Variants in MRPS5 observed in about 807,000 individuals in gnomAD.
The protein encoded by MRPS5 is mitochondrial ribosomal protein S5.
MRPS5 carries 27 observed loss-of-function variants against 51.9 expected under a neutral mutation model. The observed-to-expected ratio is 0.52, with a 90% CI of 0.38 to 0.72. The LOEUF (loss-of-function observed/expected upper bound fraction) is 0.72. Ranked by LOEUF, MRPS5 falls within the 30% of genes least tolerant of loss-of-function variation. The pLI, the probability that MRPS5 is intolerant of heterozygous loss-of-function variation, is 0.00. For synonymous variants in MRPS5, 196 were observed against 193.2 expected, an observed-to-expected ratio of 1.01 and a Z score of -0.12; for missense variants, 570 against 545.7, an observed-to-expected ratio of 1.04 and a Z score of -0.44.
At chr2:95,115,928 C>T (rs1044465221) in intron 2 of MRPS5, among the ~76,000 whole-genome samples, 55 of 144,964 alleles carry the variant, frequency 3.8e-4, no homozygotes, top group Middle Eastern at 3.7e-3. Flanking sequence ...TTTTTTGAGA[C>T]GGAGTTCTGC....
Position 95,120,395 on chromosome 2 carries a change from C to T in MRPS5, c.58+1339G>A, listed in dbSNP as rs533807857. Among the ~76,000 whole-genome samples, 8 of 152,224 alleles carry T rather than the reference C, an allele frequency of 5.3e-5. No homozygotes were observed. In the East Asian group the frequency reaches 1.5e-3, roughly 29 times the overall value. On this transcript the variant is annotated intron_variant, in intron 1 of 11. Transcript: ENST00000272418. Reference sequence around the variant, plus strand: ...ATATGTAATGTCCAGAACAGGCAAGCTACAGAGAGAGAGAAGGAAAGTACA... The same window carrying T: ...ATATGTAATGTCCAGAACAGGCAAGTTACAGAGAGAGAGAAGGAAAGTACA...
At chr2:95,119,623 A>C (rs1676383792) in intron 1 of MRPS5, among the ~76,000 whole-genome samples, 1 of 152,070 alleles carries the variant, frequency 6.6e-6, no homozygotes, top group Non-Finnish European at 1.5e-5. Flanking sequence ...AAAAAAAAAA[A>C]AAAACCCACA....
chr2:95,087,639 G>T, intron 11 of MRPS5, 58 bp from the exon 12 acceptor site: 2 of 1,468,898 alleles, frequency 1.4e-6, no homozygotes, highest in Non-Finnish European at 1.9e-6. Flanking sequence ...AACATAAAGA[G>T]CAGGAACTTC....
chr2:95,113,702 G>A (rs555511561), intron 3 of MRPS5, among the ~76,000 whole-genome samples: 1 of 152,180 alleles, frequency 6.6e-6, no homozygotes, highest in South Asian at 2.1e-4. Flanking sequence ...TTTCTGCGTT[G>A]TTGCTACACA....
intron 11 of MRPS5, among the ~76,000 whole-genome samples, chr2:95,090,117 C>G: frequency 7.3e-6 from 1 of 136,306 alleles, no homozygotes; most frequent in Non-Finnish European, 1.5e-5. Flanking sequence ...GCGGAGCTTG[C>G]AGTGAGCCGG....
chr2:95,100,775 C>G, intron 9 of MRPS5, 62 bp downstream of exon 9: 1 of 1,275,774 alleles, frequency 7.8e-7, no homozygotes, highest in Admixed American at 2.4e-5. Flanking sequence ...GATACATTGT[C>G]ACACAGACTT....
At chr2:95,107,408 G>A (rs1043929509) in intron 5 of MRPS5, among the ~76,000 whole-genome samples, 4 of 152,022 alleles carry the variant, frequency 2.6e-5, no homozygotes, top group African/African-American at 4.8e-5. Context: ...TCTGTGCCCT[G>A]CCCTTCCTTC....
At chr2:95,100,799 C>T (rs1347584834) in intron 9 of MRPS5, 38 bp downstream of exon 9, 2 of 1,450,468 alleles carry the variant, frequency 1.4e-6, no homozygotes, top group African/African-American at 1.4e-5. Flanking sequence ...CAAATGTAAT[C>T]CTGCAAATTA....
intron 4 of MRPS5, among the ~76,000 whole-genome samples, chr2:95,108,889 A>C (rs558946031): frequency 6.6e-6 from 1 of 152,194 alleles, no homozygotes; most frequent in African/African-American, 2.4e-5. Flanking sequence ...AAAAAAGAAG[A>C]TATCTATTTC....
Position 95,085,849 on chromosome 2 carries a change from T to C in MRPS5, c.*1508A>G, listed in dbSNP as rs548564879. 6.6e-6 allele frequency among the ~76,000 whole-genome samples: 1 copy of C among 151,902 alleles called. No homozygotes were observed. The highest frequency in any genetic ancestry group is 2.1e-4 in the South Asian group (1 of 4,816). On this transcript the variant is annotated 3_prime_UTR_variant, in exon 12 of 12. Transcript: ENST00000272418. ...TAACAAGAACTAGGACATTGTAAAC[T>C]TGAATGAGAAAAAACCTCAAGGGAT...
At chr2:95,115,381 G>GTTT (rs1370636404) in intron 2 of MRPS5, among the ~76,000 whole-genome samples, 178 bp from the exon 3 acceptor site, 2 of 152,198 alleles carry the variant, frequency 1.3e-5, no homozygotes. Flanking sequence ...CAACCTAAAT[G>GTTT]CCCAGCCTAG....
chr2:95,097,539 A>C (rs1269574566), intron 10 of MRPS5, among the ~76,000 whole-genome samples: 13 of 152,322 alleles, frequency 8.5e-5, no homozygotes, highest in South Asian at 8.3e-4. Context: ...CTCAGAAACA[A>C]CACCACACAT....
chr2:95,110,407 G>A (rs182875670), intron 3 of MRPS5, among the ~76,000 whole-genome samples: 28 of 152,300 alleles, frequency 1.8e-4, no homozygotes, highest in Non-Finnish European at 3.1e-4. Context: ...TAACCACTAA[G>A]ATAACTAATA....
Position 95,093,063 on chromosome 2 carries a change from T to TGGCTCAGCAGGTCCCACGCCC in MRPS5, c.932-2562_932-2542dup, listed in dbSNP as rs1364235067. The TGGCTCAGCAGGTCCCACGCCC allele has an allele frequency of 5.2e-5, 8 of 152,388 alleles. 1 individual carries two copies. The East Asian group carries it at 1.2e-3, about 22-fold the overall frequency. 9.4% of individuals were successfully genotyped at this position (152,388 alleles called of 1,614,324 possible). On this transcript the variant is annotated intron_variant, in intron 10 of 11. Coordinates refer to ENST00000272418, the MANE Select transcript of MRPS5 (RefSeq NM_031902.5). ...ACACCAGGAGATTATATCCCAGGCATGGCTCAGCAGGTCCCACGCCCATGG... is the reference window on the plus strand; with the variant it reads ...ACACCAGGAGATTATATCCCAGGCATGGCTCAGCAGGTCCCACGCCCGGCTCAGCAGGTCCCACGCCCATGG...
At chr2:95,118,277 A>G (rs1676347475) in intron 1 of MRPS5, among the ~76,000 whole-genome samples, 1 of 152,276 alleles carries the variant, frequency 6.6e-6, no homozygotes, top group East Asian at 1.9e-4. Context: ...AGGTTTCCCA[A>G]TTTCAATCTC....
At chr2:95,099,800 G>A (rs114003443) in intron 10 of MRPS5, among the ~76,000 whole-genome samples, 56 of 152,290 alleles carry the variant, frequency 3.7e-4, no homozygotes, top group African/African-American at 1.3e-3. Flanking sequence ...CTCTAGCAAC[G>A]TTGTATTAGA....
At chr2:95,121,636 G>A (rs1463729147) in intron 1 of MRPS5, 98 bp downstream of exon 1, 32 of 1,343,124 alleles carry the variant, frequency 2.4e-5, no homozygotes, top group Non-Finnish European at 3.1e-5. Context: ...GGGGGCCGCG[G>A]CTTCTCGCTT....
chr2:95,121,962 A>G, upstream of MRPS5: 1 of 738,634 alleles, frequency 1.4e-6, no homozygotes, highest in Non-Finnish European at 2.0e-6. Context: ...GCCACACTGC[A>G]GGCGGAGCCC....
intron 3 of MRPS5, 149 bp downstream of exon 3, chr2:95,114,917 G>A (rs1204770497): frequency 9.4e-5 from 68 of 722,268 alleles, no homozygotes; most frequent in Non-Finnish European, 1.3e-4. Flanking sequence ...GATAATTCTA[G>A]GATGTACATC....
Sources: gnomAD v4.1 joint callset for allele counts (sites outside exome capture counted in the v4.1 genomes callset) on GRCh38, gnomAD v4.1.1 for gene constraint, MANE v1.5 for transcripts, NCBI Gene and HGNC (gene_info 2026-07-23, HGNC 2026-07-21) for gene names.